Variants in POU6F2 observed in about 807,000 individuals in gnomAD.
POU6F2 encodes the protein POU domain, class 6, transcription factor 2.
In POU6F2, 31 loss-of-function variants were observed where a neutral mutation model predicts 71.3. The observed-to-expected ratio is 0.43, with a 90% CI of 0.33 to 0.59. POU6F2 has a LOEUF of 0.59. Among genes scored for constraint, POU6F2 ranks in the 20% least tolerant of loss-of-function variants. The pLI, the probability that POU6F2 is intolerant of heterozygous loss-of-function variation, is 0.04. For missense variants in POU6F2, 783 were observed against 856.8 expected, an observed-to-expected ratio of 0.91 and a Z score of 1.07; for synonymous variants, 347 against 355.7, an observed-to-expected ratio of 0.98 and a Z score of 0.27.
At position 39,207,536 on chromosome 7, in the gene POU6F2, A is replaced by G. The variant is rs762971175; in HGVS notation, c.514A>G (p.Thr172Ala). The change falls in exon 4 of 10, where the codon ACA becomes GCA. Residue 172 changes from threonine (T) to alanine (A), a missense_variant. Around this residue, in one of 2 missense-constraint regions of POU6F2, gnomAD observed 572 missense variants for 572.9 expected, o/e 1.00. Transcript: ENST00000518318. ...GCAAGGACTGGTTCTCACACTGCCA[A>G]CAGCGAATCTCACCAACATCCAAGG... ...GQQGLVLTLP[T>A]ANLTNIQGLV... is the part of the protein sequence containing the mutation. 2.5e-6 allele frequency: 4 copies of G among 1,614,054 alleles called. No individual in the cohort carries two copies. The highest frequency in any genetic ancestry group is 3.4e-6 in the Non-Finnish European group (4 of 1,179,902).
intron 2 of POU6F2, among the ~76,000 whole-genome samples, chr7:39,161,443 G>A (rs1028918839): frequency 1.3e-5 from 2 of 152,168 alleles, no homozygotes; most frequent in Non-Finnish European, 2.9e-5. Flanking sequence ...TATTTCTCCA[G>A]TTTTCAATCT....
At chr7:39,105,647 A>G (rs940531818) in intron 2 of POU6F2, among the ~76,000 whole-genome samples, 6 of 152,210 alleles carry the variant, frequency 3.9e-5, no homozygotes. Flanking sequence ...AAAAGATCCC[A>G]TTAAGACTCA....
At chr7:39,341,444 A>G (rs974208209) in intron 5 of POU6F2, among the ~76,000 whole-genome samples, 10 of 152,224 alleles carry the variant, frequency 6.6e-5, no homozygotes, top group Admixed American at 2.6e-4. Flanking sequence ...AAACGTCTTC[A>G]TTGTCCACTT....
chr7:39,081,790 G>A (rs10951593), intron 1 of POU6F2, among the ~76,000 whole-genome samples: 35,850 of 152,160 alleles, frequency 0.24, 5,167 homozygotes, highest in East Asian at 0.73. Context: ...CACAGCCACT[G>A]GCTCTGGCTC....
intron 4 of POU6F2, among the ~76,000 whole-genome samples, chr7:39,322,848 C>T (rs1273788657): frequency 1.3e-5 from 2 of 152,180 alleles, no homozygotes; most frequent in African/African-American, 4.8e-5. Context: ...ACTGCAGCTC[C>T]ATTGCAGGCT....
intron 6 of POU6F2, among the ~76,000 whole-genome samples, chr7:39,430,386 T>G (rs1412723819): frequency 6.6e-6 from 1 of 152,192 alleles, no homozygotes; most frequent in Non-Finnish European, 1.5e-5. Flanking sequence ...TCATTACAGA[T>G]TCCTCTGGCT....
intron 7 of POU6F2, among the ~76,000 whole-genome samples, chr7:39,444,209 A>G (rs1034483495): frequency 2.6e-5 from 4 of 152,144 alleles, no homozygotes; most frequent in African/African-American, 7.2e-5. Context: ...AAACACCGGT[A>G]TTTGACAGCC....
intron 5 of POU6F2, among the ~76,000 whole-genome samples, chr7:39,400,582 C>T (rs1391603316): frequency 1.3e-5 from 2 of 152,154 alleles, no homozygotes; most frequent in African/African-American, 4.8e-5. Context: ...GCTTCCTTCC[C>T]ATAGGGTGGG....
At chr7:39,013,451 C>G (rs1051666489) in intron 1 of POU6F2, 2 of 159,286 alleles carry the variant, frequency 1.3e-5, no homozygotes, top group African/African-American at 2.4e-5. Flanking sequence ...GAGAAGAACC[C>G]GGTACCTCAG....
At chr7:39,402,663 A>G (rs1009588979) in intron 5 of POU6F2, among the ~76,000 whole-genome samples, 1 of 152,174 alleles carries the variant, frequency 6.6e-6, no homozygotes, top group African/African-American at 2.4e-5. Context: ...AGCTAATCCC[A>G]TCAAATAGGA....
At chr7:39,310,840 C>T (rs35354413) in intron 4 of POU6F2, among the ~76,000 whole-genome samples, 103,630 of 152,014 alleles carry the variant, frequency 0.68, 35,360 homozygotes, top group Admixed American at 0.77. Context: ...GCAGGGGCCC[C>T]GCTGGCTGCC....
intron 2 of POU6F2, among the ~76,000 whole-genome samples, chr7:39,185,869 A>G (rs1389666955): frequency 1.3e-5 from 2 of 148,570 alleles, no homozygotes; most frequent in Admixed American, 1.4e-4. Flanking sequence ...ATATATGTAT[A>G]TATGTATATG....
At chr7:39,370,748 A>T (rs1019982379) in intron 5 of POU6F2, among the ~76,000 whole-genome samples, 8 of 152,144 alleles carry the variant, frequency 5.3e-5, no homozygotes, top group Non-Finnish European at 1.0e-4. Flanking sequence ...AGTAAAGTAG[A>T]TTGCCTCATA....
intron 4 of POU6F2, among the ~76,000 whole-genome samples, chr7:39,322,906 G>A (rs1255659550): frequency 6.6e-6 from 1 of 152,130 alleles, no homozygotes; most frequent in Non-Finnish European, 1.5e-5. Context: ...CTGAGCAGTG[G>A]ATCTTGGGAA....
At chr7:39,051,029 C>T (rs561452765) in intron 1 of POU6F2, among the ~76,000 whole-genome samples, 1 of 152,226 alleles carries the variant, frequency 6.6e-6, no homozygotes, top group Non-Finnish European at 1.5e-5. Context: ...CCATAAGCTG[C>T]AGCATCTTGA....
intron 2 of POU6F2, among the ~76,000 whole-genome samples, chr7:39,130,793 A>C (rs1324306482): frequency 6.6e-6 from 1 of 151,946 alleles, no homozygotes; most frequent in Non-Finnish European, 1.5e-5. Flanking sequence ...TGGAATTGTC[A>C]GTCACCCCAA....
intron 6 of POU6F2, among the ~76,000 whole-genome samples, chr7:39,419,119 A>G (rs1360564194): frequency 2.3e-5 from 3 of 132,064 alleles, no homozygotes; most frequent in East Asian, 2.4e-4. Flanking sequence ...ATACGTATAT[A>G]TGTGTATATA....
chr7:39,440,009 C>T (rs1788355492), intron 7 of POU6F2, among the ~76,000 whole-genome samples: 1 of 152,122 alleles, frequency 6.6e-6, no homozygotes, highest in Non-Finnish European at 1.5e-5. Flanking sequence ...AAATAGTGGC[C>T]CCCAATCTAT....
At position 39,053,682 on chromosome 7, in the gene POU6F2, T is replaced by G. The variant is rs1279343589; in HGVS notation, c.106-32178T>G. Among the ~76,000 whole-genome samples the G allele has an allele frequency of 2.6e-5, 4 of 152,162 alleles. No homozygotes were observed. The East Asian group carries it at 7.7e-4, about 29-fold the overall frequency. The stretch of plus-strand genomic sequence containing the variant: ...TTTTTCTATTCTTTATCATCAGTTT[T>G]ACCACTCTTCTGGGGGTTTTAGAAA... On this transcript the variant is annotated intron_variant, in intron 1 of 9. Coordinates refer to ENST00000518318, the MANE Select transcript of POU6F2 (RefSeq NM_001370959.1).
Sources: allele counts gnomAD v4.1 joint callset (sites outside exome capture counted in the v4.1 genomes callset), GRCh38; gene constraint gnomAD v4.1.1; regional missense constraint gnomAD v4.1.1; transcripts MANE v1.5; gene names NCBI Gene and HGNC (gene_info 2026-07-23, HGNC 2026-07-21).